The following GRID2 variants were observed in gnomAD, a reference collection of about 807,000 sequenced individuals.
GRID2 encodes the protein glutamate receptor ionotropic, delta-2.
Under a neutral mutation model 114.8 loss-of-function variants are expected in GRID2, and 33 were observed. The observed-to-expected ratio is 0.29, with a 90% CI of 0.22 to 0.38. The LOEUF (loss-of-function observed/expected upper bound fraction) is 0.38. GRID2 is among the 10% of genes least tolerant of loss of function. GRID2 has a pLI of 1.00. For synonymous variants in GRID2, 505 were observed against 449.9 expected (o/e 1.12, Z -1.55); for missense variants, 1,184 against 1,257.7 (o/e 0.94, Z 0.89).
At chr4:93,764,710 T>G (rs1239384356) in intron 14 of GRID2, among the ~76,000 whole-genome samples, 1 of 152,180 alleles carries the variant, frequency 6.6e-6, no homozygotes, top group Non-Finnish European at 1.5e-5. Flanking sequence ...ATAGCTAAAC[T>G]TATTTCTAAT....
At chr4:93,624,195 T>C in intron 13 of GRID2, among the ~76,000 whole-genome samples, 1 of 115,980 alleles carries the variant, frequency 8.6e-6, no homozygotes, top group East Asian at 3.4e-4. Flanking sequence ...TTATGATCAA[T>C]CTATTTTTTT....
chr4:92,679,509 ATAAT>A (rs1733541646), intron 2 of GRID2, among the ~76,000 whole-genome samples: 1 of 152,132 alleles, frequency 6.6e-6, no homozygotes, highest in Non-Finnish European at 1.5e-5. Context: ...CTAAAAATAA[ATAAT>A]TATTCTCTGA....
chr4:92,740,863 C>G (rs576269538), intron 2 of GRID2, among the ~76,000 whole-genome samples: 1 of 152,108 alleles, frequency 6.6e-6, no homozygotes, highest in South Asian at 2.1e-4. Flanking sequence ...TCTCATGCCT[C>G]AGCTTTCTGA....
At chr4:93,069,559 T>C (rs916089977) in intron 2 of GRID2, among the ~76,000 whole-genome samples, 6 of 152,046 alleles carry the variant, frequency 3.9e-5, no homozygotes, top group Non-Finnish European at 7.4e-5. Context: ...ATCCTGAGTA[T>C]GTAAAGCCGC....
chr4:93,157,048 T>C (rs1190569228), intron 4 of GRID2, among the ~76,000 whole-genome samples: 1 of 151,802 alleles, frequency 6.6e-6, no homozygotes, highest in African/African-American at 2.4e-5. Context: ...GACTGTGTCC[T>C]GCACTCTATT....
rs377540893 is a variant in GRID2 at position 93,207,493 on chromosome 4, C to T, written c.789+36C>T. 618 of 1,271,514 alleles carry T rather than the reference C, an allele frequency of 4.9e-4. 3 individuals carry two copies. The highest frequency in any genetic ancestry group is 9.5e-4 in the Middle Eastern group (5 of 5,280). The allele number at this position is 1,271,514 out of a possible 1,614,324, so 78.8% of individuals were successfully genotyped here. The stretch of plus-strand genomic sequence containing the variant: ...CTAAACCTTATTGTTAACTCTGTGT[C>T]CTTTTTTCACATATATAATTGTAGC... On this transcript the variant is annotated intron_variant, in intron 5 of 15. Transcript: ENST00000282020.
chr4:93,392,345 T>G (rs1399558431), intron 8 of GRID2, among the ~76,000 whole-genome samples: 1 of 152,120 alleles, frequency 6.6e-6, no homozygotes, highest in African/African-American at 2.4e-5. Flanking sequence ...ACCAGAGGAC[T>G]TGTTAGATAA....
chr4:93,207,475 T>G lies in GRID2; in HGVS notation c.789+18T>G, dbSNP rs1191746318. 2 of 1,504,942 alleles carry G rather than the reference T, an allele frequency of 1.3e-6. No homozygotes were observed. Among genetic ancestry groups the G allele is most frequent in the Non-Finnish European group, 1.8e-6 (2 of 1,083,794 alleles). 93.2% of individuals were successfully genotyped at this position (1,504,942 alleles called of 1,614,324 possible). A position where few individuals can be genotyped will look rare whatever the true frequency, so the allele number is the denominator to read the frequency against. ...TAAATGAGGTAAAGCCAACTAAACC[T>G]TATTGTTAACTCTGTGTCCTTTTTT... On this transcript the variant is annotated intron_variant, in intron 5 of 15. Transcript: ENST00000282020.
intron 2 of GRID2, among the ~76,000 whole-genome samples, chr4:92,629,007 A>G (rs997033814): frequency 2.6e-5 from 4 of 152,002 alleles, no homozygotes; most frequent in Admixed American, 6.6e-5. Context: ...CAGTCCTTCA[A>G]TATTTAATCA....
At chr4:92,772,374 A>T (rs1184760659) in intron 2 of GRID2, among the ~76,000 whole-genome samples, 1 of 151,872 alleles carries the variant, frequency 6.6e-6, no homozygotes, top group African/African-American at 2.4e-5. Context: ...GTCCCTCTCT[A>T]CTTGATTTCC....
intron 1 of GRID2, among the ~76,000 whole-genome samples, chr4:92,408,287 T>C (rs1731120861): frequency 6.6e-6 from 1 of 152,130 alleles, no homozygotes; most frequent in African/African-American, 2.4e-5. Flanking sequence ...TTCTCTATTC[T>C]GTTCCACTGG....
chr4:92,814,679 A>C (rs1313618198), intron 2 of GRID2, among the ~76,000 whole-genome samples: 1 of 152,142 alleles, frequency 6.6e-6, no homozygotes, highest in Non-Finnish European at 1.5e-5. Flanking sequence ...AGGGTAATGG[A>C]AAATGCTATC....
chr4:92,682,682 GCACA>G lies in GRID2; in HGVS notation c.244+92426_244+92429del, dbSNP rs57217377. Among the ~76,000 whole-genome samples, 1,216 of 142,732 alleles carry G rather than the reference GCACA, an allele frequency of 8.5e-3. 10 individuals carry two copies. Among genetic ancestry groups the G allele is most frequent in the African/African-American group, 0.023 (906 of 38,904 alleles). 93.6% of individuals were successfully genotyped at this position (142,732 alleles called of 152,430 possible). A position where few individuals can be genotyped will look rare whatever the true frequency, so the allele number is the denominator to read the frequency against. ...GTGGATGAGATATTAAAATCGCAGGGCACACACACACACACACACACACACACAC... is the reference window on the plus strand; with the variant it reads ...GTGGATGAGATATTAAAATCGCAGGGCACACACACACACACACACACACAC... On this transcript the variant is annotated intron_variant, in intron 2 of 15. Transcript: ENST00000282020.
intron 9 of GRID2, among the ~76,000 whole-genome samples, chr4:93,399,942 A>T (rs1765714738): frequency 6.6e-6 from 1 of 152,138 alleles, no homozygotes; most frequent in African/African-American, 2.4e-5. Context: ...AGGACCTATT[A>T]TAAGAAGGTT....
At chr4:93,572,738 C>G (rs889879604) in intron 13 of GRID2, among the ~76,000 whole-genome samples, 1 of 152,042 alleles carries the variant, frequency 6.6e-6, no homozygotes, top group African/African-American at 2.4e-5. Context: ...ACATCTCAGG[C>G]ACACGACCAC....
chr4:93,146,633 G>T (rs1736287818), intron 4 of GRID2, among the ~76,000 whole-genome samples: 1 of 151,484 alleles, frequency 6.6e-6, no homozygotes, highest in Non-Finnish European at 1.5e-5. Context: ...AAGAGAGAAA[G>T]AAAGAAGGAA....
chr4:92,656,496 C>T (rs1452360067), intron 2 of GRID2, among the ~76,000 whole-genome samples: 1 of 151,458 alleles, frequency 6.6e-6, no homozygotes, highest in African/African-American at 2.4e-5. Flanking sequence ...CTTTTCTAAT[C>T]ATTTCACACA....
At chr4:93,286,411 A>G (rs927767433) in intron 8 of GRID2, among the ~76,000 whole-genome samples, 10 of 152,126 alleles carry the variant, frequency 6.6e-5, no homozygotes, top group South Asian at 2.1e-4. Flanking sequence ...TTACAAATTC[A>G]TCTTCTATTT....
At chr4:92,945,510 G>A (rs2149545446) in intron 2 of GRID2, among the ~76,000 whole-genome samples, 1 of 152,038 alleles carries the variant, frequency 6.6e-6, no homozygotes, top group East Asian at 1.9e-4. Context: ...AATTAATACT[G>A]TAAGTCTTCA....
Sources: gnomAD v4.1 joint callset for allele counts (sites outside exome capture counted in the v4.1 genomes callset) on GRCh38, gnomAD v4.1.1 for gene constraint, MANE v1.5 for transcripts, NCBI Gene and HGNC (gene_info 2026-07-23, HGNC 2026-07-21) for gene names.